THSD7A: variants seen among roughly 807,000 people sequenced by gnomAD.
THSD7A encodes thrombospondin type-1 domain-containing protein 7A.
In THSD7A, 96 loss-of-function variants were observed where a neutral mutation model predicts 231.3. The observed-to-expected ratio is 0.41, with a 90% CI of 0.35 to 0.49. The LOEUF (loss-of-function observed/expected upper bound fraction) is 0.49, where lower values mean the gene tolerates loss of function less well. THSD7A is among the 20% of genes least tolerant of loss of function. THSD7A has a pLI of 0.05. For missense variants in THSD7A, 2,290 were observed against 2,070.2 expected, an observed-to-expected ratio of 1.11 and a Z score of -2.06; for synonymous variants, 940 against 743.3, an observed-to-expected ratio of 1.26 and a Z score of -4.30.
chr7:11,425,091 T>A (rs192786795), intron 15 of THSD7A, among the ~76,000 whole-genome samples: 36 of 152,278 alleles, frequency 2.4e-4, no homozygotes, highest in Non-Finnish European at 4.0e-4. Context: ...AGGTTACATA[T>A]TTTCCTATGC....
intron 14 of THSD7A, among the ~76,000 whole-genome samples, chr7:11,427,234 A>G (rs1260038930): frequency 6.6e-6 from 1 of 152,242 alleles, no homozygotes; most frequent in Non-Finnish European, 1.5e-5. Context: ...AATTTTCAAC[A>G]TTAACACAAA....
intron 23 of THSD7A, chr7:11,385,792 ACGTGACATGGTG>A (rs1782716602): frequency 6.6e-6 from 1 of 152,200 alleles, no homozygotes; most frequent in Admixed American, 6.6e-5. Flanking sequence ...ATAGGTATAC[ACGTGACATGGTG>A]GTTTGCTGCA....
intron 26 of THSD7A, 94 bp from the exon 27 acceptor site, chr7:11,376,751 A>G (rs2189351): frequency 0.33 from 256,803 of 777,964 alleles, 45,702 homozygotes; most frequent in Non-Finnish European, 0.36. Context: ...TATATGACCA[A>G]TTTCTTTCAA....
rs1038140430 is a variant in THSD7A, at chr7:11,775,019, G to T, written c.190+56738C>A. Reference sequence around the variant, plus strand: ...GCAGTGAGCCATTGCACTCCAGCCTGGGTGACAGAGTGAGATTTGTCTCAA... The same window carrying T: ...GCAGTGAGCCATTGCACTCCAGCCTTGGTGACAGAGTGAGATTTGTCTCAA... On this transcript the variant is annotated intron_variant, in intron 1 of 27. Coordinates refer to ENST00000423059, the MANE Select transcript of THSD7A (RefSeq NM_015204.3). Among the ~76,000 whole-genome samples the T allele has an allele frequency of 3.3e-5, 5 of 152,178 alleles. No individual in the cohort carries two copies. The South Asian group carries it at 1.0e-3, about 32-fold the overall frequency.
At chr7:11,556,049 T>A (rs538330083) in intron 4 of THSD7A, among the ~76,000 whole-genome samples, 43 of 151,978 alleles carry the variant, frequency 2.8e-4, no homozygotes, top group Non-Finnish European at 5.2e-4. Context: ...TGTGTTTTAA[T>A]TAGTATACTT....
At chr7:11,773,729 A>G (rs1196450133) in intron 1 of THSD7A, among the ~76,000 whole-genome samples, 1 of 152,130 alleles carries the variant, frequency 6.6e-6, no homozygotes, top group African/African-American at 2.4e-5. Flanking sequence ...ACAAGCTTAC[A>G]ATGTGGAGAG....
chr7:11,619,837 T>C (rs925309090), intron 2 of THSD7A, among the ~76,000 whole-genome samples: 1 of 152,148 alleles, frequency 6.6e-6, no homozygotes, highest in African/African-American at 2.4e-5. Flanking sequence ...ATCTTTATAA[T>C]TGGTATTTAA....
chr7:11,822,371 C>G (rs932222561), intron 1 of THSD7A, among the ~76,000 whole-genome samples: 1 of 152,110 alleles, frequency 6.6e-6, no homozygotes, highest in African/African-American at 2.4e-5. Context: ...CTGCCAAACA[C>G]ATAATTTTAT....
Position 11,379,287 on chromosome 7 carries a change from G to A in THSD7A, c.4591-7C>T. ...CACAATGGCATGTTTTTGTCTGCAG[G>A]AGAACAAGAAGATTTATACTAGCCA... On this transcript the variant is annotated splice_polypyrimidine_tract_variant and splice_region_variant and intron_variant, in intron 25 of 27. Transcript: ENST00000423059. 2 of 1,613,238 alleles carry A rather than the reference G, an allele frequency of 1.2e-6. No homozygotes were observed. The highest frequency in any genetic ancestry group is 1.7e-6 in the Non-Finnish European group (2 of 1,179,400).
rs576112765 is a variant in THSD7A at position 11,572,648 on chromosome 7, C to T, written c.1453+17812G>A. ...TCAGCCTCCTGAATACCTGGGACTA[C>T]AGGCACCAGCCACCATGCCCAGCAA... On this transcript the variant is annotated intron_variant, in intron 4 of 27. Transcript: ENST00000423059. Among the ~76,000 whole-genome samples the T allele has an allele frequency of 7.2e-5, 11 of 152,168 alleles. No homozygotes were observed. The South Asian group carries it at 1.9e-3, about 26-fold the overall frequency.
chr7:11,376,439 C>G, intron 27 of THSD7A, 131 bp downstream of exon 27: 1 of 747,044 alleles, frequency 1.3e-6, no homozygotes, highest in Non-Finnish European at 2.1e-6. Flanking sequence ...CCATCTAGGA[C>G]TAAAGCCATG....
At chr7:11,458,039 TAC>T (rs1362686878) in intron 11 of THSD7A, among the ~76,000 whole-genome samples, 1 of 152,118 alleles carries the variant, frequency 6.6e-6, no homozygotes, top group African/African-American at 2.4e-5. Context: ...TAGCTTTTTC[TAC>T]AGTCTTCCAA....
chr7:11,613,692 C>T (rs1781011016), intron 2 of THSD7A, among the ~76,000 whole-genome samples: 1 of 152,176 alleles, frequency 6.6e-6, no homozygotes, highest in African/African-American at 2.4e-5. Flanking sequence ...TTCCCATCAG[C>T]AGTGAAGGAT....
chr7:11,611,637 A>G (rs1780924594), intron 2 of THSD7A, among the ~76,000 whole-genome samples: 1 of 151,892 alleles, frequency 6.6e-6, no homozygotes, highest in South Asian at 2.1e-4. Flanking sequence ...TCATGCATTC[A>G]TATTTTAAAT....
In THSD7A at chr7:11,474,428, T is replaced by C. The variant is rs948694028; in HGVS notation, c.2158A>G (p.Thr720Ala). The part of the protein sequence containing the change: ...DTSVSSFNTT[T>A]TWNGEASCSV... The stretch of plus-strand genomic sequence containing the variant: ...CAGGAGGCCTCCCCATTCCAAGTCG[T>C]AGTTGTGTTGAAGGACGATACTGAG... Residue 720 changes from threonine to alanine, a missense_variant, in exon 8 of 28, where the codon ACG (threonine) becomes GCG (alanine). Thr to Ala is a moderately conservative substitution (Grantham distance 58). Transcript: ENST00000423059. This position sits in a 1 kb window ranked among gnomAD's most constrained non-coding sequence, Gnocchi z 4.1. The C allele has an allele frequency of 2.5e-6, 4 of 1,613,432 alleles. No individual in the cohort carries two copies. Among genetic ancestry groups the C allele is most frequent in the Admixed American group, 1.7e-5 (1 of 59,976 alleles).
chr7:11,563,516 T>C (rs1024303979), intron 4 of THSD7A, among the ~76,000 whole-genome samples: 8 of 152,022 alleles, frequency 5.3e-5, no homozygotes, highest in Non-Finnish European at 1.5e-5. Flanking sequence ...CACACCACCA[T>C]GTCTGGCTGA....
At chr7:11,551,352 TTAAAC>T (rs1225412532) in intron 4 of THSD7A, among the ~76,000 whole-genome samples, 1 of 152,008 alleles carries the variant, frequency 6.6e-6, no homozygotes, top group Non-Finnish European at 1.5e-5. Flanking sequence ...TGAGACCTAA[TTAAAC>T]TAAAGAGCTA....
chr7:11,744,745 T>G (rs1240562963), intron 1 of THSD7A, among the ~76,000 whole-genome samples: 1 of 152,034 alleles, frequency 6.6e-6, no homozygotes, highest in Non-Finnish European at 1.5e-5. Flanking sequence ...TCCAGCTTCA[T>G]CCATGTCCCT....
intron 6 of THSD7A, among the ~76,000 whole-genome samples, chr7:11,491,561 G>C (rs1366708687): frequency 6.6e-6 from 1 of 152,104 alleles, no homozygotes; most frequent in African/African-American, 2.4e-5. Flanking sequence ...CTATGATACA[G>C]TTACACTGAG....
Sources: allele counts gnomAD v4.1 joint callset (sites outside exome capture counted in the v4.1 genomes callset), GRCh38; gene constraint gnomAD v4.1.1; non-coding constraint Gnocchi (gnomAD v3.1); transcripts MANE v1.5; gene names NCBI Gene and HGNC (gene_info 2026-07-23, HGNC 2026-07-21).